The following GALNTL6 variants were observed in gnomAD, a reference collection of about 807,000 sequenced individuals.
GALNTL6 encodes the protein polypeptide N-acetylgalactosaminyltransferase like 6, also known as polypeptide N-acetylgalactosaminyltransferase-like 6.
GALNTL6 carries 46 observed loss-of-function variants against 73.7 expected under a neutral mutation model. That is an observed-to-expected ratio of 0.62 (90% confidence interval 0.49 to 0.80). The LOEUF is 0.80. GALNTL6 is among the 30% of genes least tolerant of loss of function. GALNTL6 has a pLI of 0.00. For missense variants in GALNTL6, 604 were observed against 755.0 expected, an observed-to-expected ratio of 0.80 and a Z score of 2.34; for synonymous variants, 259 against 263.7, an observed-to-expected ratio of 0.98 and a Z score of 0.17.
chr4:172,276,310 C>T (rs1373674817), intron 3 of GALNTL6, among the ~76,000 whole-genome samples: 1 of 152,142 alleles, frequency 6.6e-6, no homozygotes, highest in Non-Finnish European at 1.5e-5. Flanking sequence ...AGCATAAAGA[C>T]AAGAAGATAA....
chr4:171,862,902 T>G (rs1735872852), intron 2 of GALNTL6, among the ~76,000 whole-genome samples: 1 of 152,160 alleles, frequency 6.6e-6, no homozygotes. Flanking sequence ...TAGAATGTAT[T>G]GATTATAAGT....
chr4:172,662,985 C>A (rs1264821734), intron 5 of GALNTL6, among the ~76,000 whole-genome samples: 2 of 152,092 alleles, frequency 1.3e-5, no homozygotes, highest in African/African-American at 2.4e-5. Flanking sequence ...GGAGAAAGAG[C>A]CTGCTGGGCA....
At position 172,162,812 on chromosome 4, in the gene GALNTL6, T is replaced by C. The variant is rs528626587; in HGVS notation, c.139-66844T>C. Among the ~76,000 whole-genome samples, 13 of 152,168 alleles carry C rather than the reference T, an allele frequency of 8.5e-5. No homozygotes were observed. In the South Asian group the frequency reaches 2.5e-3, roughly 29 times the overall value. On this transcript the variant is annotated intron_variant, in intron 2 of 12. Coordinates refer to ENST00000506823, the MANE Select transcript of GALNTL6 (RefSeq NM_001034845.3). The stretch of plus-strand genomic sequence containing the variant: ...ATCCTGCAAAAGGAATTAGTAAATA[T>C]TGAGATGTCAAGAATGAGTTTTTAA...
intron 3 of GALNTL6, among the ~76,000 whole-genome samples, chr4:172,292,922 T>C (rs1377340415): frequency 6.6e-6 from 1 of 152,138 alleles, no homozygotes; most frequent in African/African-American, 2.4e-5. Flanking sequence ...TGAAAGTTTG[T>C]GAGACATAGA....
chr4:172,421,974 G>C (rs1246919515), intron 5 of GALNTL6, among the ~76,000 whole-genome samples: 1 of 152,050 alleles, frequency 6.6e-6, no homozygotes. Flanking sequence ...CAAAAAATTA[G>C]ATGTCCTCAA....
intron 2 of GALNTL6, among the ~76,000 whole-genome samples, chr4:172,212,363 T>C (rs528966109): frequency 6.6e-5 from 10 of 151,896 alleles, no homozygotes; most frequent in Non-Finnish European, 1.5e-4. Flanking sequence ...GGTTTCACCA[T>C]GTTGATCAGG....
At chr4:172,466,398 A>C (rs919195843) in intron 5 of GALNTL6, among the ~76,000 whole-genome samples, 2 of 152,208 alleles carry the variant, frequency 1.3e-5, no homozygotes, top group African/African-American at 2.4e-5. Context: ...AGTAATACCT[A>C]ACGAAAAGAA....
chr4:172,887,381 A>G (rs996796316), intron 8 of GALNTL6, among the ~76,000 whole-genome samples: 1 of 152,072 alleles, frequency 6.6e-6, no homozygotes, highest in Non-Finnish European at 1.5e-5. Flanking sequence ...TATTTTTAGA[A>G]CCAGCAACCA....
At chr4:172,747,639 C>T (rs1737182553) in intron 5 of GALNTL6, among the ~76,000 whole-genome samples, 1 of 151,672 alleles carries the variant, frequency 6.6e-6, no homozygotes, top group African/African-American at 2.4e-5. Context: ...AAAGAATTAC[C>T]ATATGATCCA....
intron 2 of GALNTL6, among the ~76,000 whole-genome samples, chr4:171,998,361 G>C (rs1024817982): frequency 1.3e-5 from 2 of 152,072 alleles, no homozygotes; most frequent in African/African-American, 4.8e-5. Flanking sequence ...TTCCTTTGAG[G>C]CCTCTTTCCT....
At chr4:172,528,323 T>TATATAA in intron 5 of GALNTL6, among the ~76,000 whole-genome samples, 1 of 10,972 alleles carries the variant, frequency 9.1e-5, no homozygotes, top group Non-Finnish European at 3.7e-4. Flanking sequence ...AAATAAAATA[T>TATATAA]ATATATATAT....
intron 2 of GALNTL6, among the ~76,000 whole-genome samples, chr4:172,056,845 A>T (rs1293102408): frequency 6.6e-6 from 1 of 152,006 alleles, no homozygotes; most frequent in African/African-American, 2.4e-5. Flanking sequence ...TATGTGTATC[A>T]ATTTTTGCCT....
intron 7 of GALNTL6, among the ~76,000 whole-genome samples, chr4:172,871,097 C>T (rs1161530042): frequency 1.3e-5 from 2 of 152,130 alleles, no homozygotes; most frequent in African/African-American, 4.8e-5. Context: ...CAGGGGAAGG[C>T]TTTGCCTCTC....
chr4:172,301,937 C>G (rs906649418), intron 3 of GALNTL6, among the ~76,000 whole-genome samples: 4 of 152,184 alleles, frequency 2.6e-5, no homozygotes, highest in Non-Finnish European at 5.9e-5. Context: ...TTTGTGCTGC[C>G]TTTTGTTTGG....
chr4:172,305,214 G>T (rs1285609917), intron 3 of GALNTL6, among the ~76,000 whole-genome samples: 1 of 151,886 alleles, frequency 6.6e-6, no homozygotes, highest in Non-Finnish European at 1.5e-5. Flanking sequence ...ATTTAGCCAG[G>T]GGGAAAAATG....
At chr4:172,404,629 C>T (rs768200778) in intron 5 of GALNTL6, among the ~76,000 whole-genome samples, 4 of 151,984 alleles carry the variant, frequency 2.6e-5, no homozygotes, top group African/African-American at 4.8e-5. Flanking sequence ...CATTATGTAG[C>T]TGTTCTTGTA....
chr4:172,249,611 C>G (rs923467383), intron 3 of GALNTL6, among the ~76,000 whole-genome samples: 1 of 152,172 alleles, frequency 6.6e-6, no homozygotes, highest in Admixed American at 6.5e-5. Context: ...CTCAGGGCCC[C>G]CCTGCTCTGT....
chr4:172,137,991 AT>A, intron 2 of GALNTL6, among the ~76,000 whole-genome samples: 1 of 152,132 alleles, frequency 6.6e-6, no homozygotes, highest in South Asian at 2.1e-4. Context: ...ACCTACAGTG[AT>A]TTGGTGGTGT....
At chr4:172,530,936 G>A (rs986231307) in intron 5 of GALNTL6, among the ~76,000 whole-genome samples, 2 of 139,604 alleles carry the variant, frequency 1.4e-5, no homozygotes, top group African/African-American at 2.6e-5. Flanking sequence ...AATTGTACTC[G>A]CCGTGTGTTA....
Sources: gnomAD v4.1 joint callset for allele counts (sites outside exome capture counted in the v4.1 genomes callset) on GRCh38, gnomAD v4.1.1 for gene constraint, MANE v1.5 for transcripts, NCBI Gene and HGNC (gene_info 2026-07-23, HGNC 2026-07-21) for gene names.